PALM2AKAP2: variants seen among roughly 807,000 people sequenced by gnomAD.
PALM2AKAP2 encodes PALM2 and AKAP2 fusion.
PALM2AKAP2 carries 37 observed loss-of-function variants against 71.5 expected under a neutral mutation model. That is an observed-to-expected ratio of 0.52 (90% CI 0.40 to 0.68). PALM2AKAP2 has a LOEUF of 0.68. Among genes scored for constraint, PALM2AKAP2 ranks in the 30% least tolerant of loss-of-function variants. The probability of loss-of-function intolerance (pLI) is 0.00; values close to 1 mark genes in which losing one functional copy is unlikely to be tolerated. For missense variants in PALM2AKAP2, 1,224 were observed against 1,191.8 expected, an observed-to-expected ratio of 1.03 and a Z score of -0.40; for synonymous variants, 468 against 478.8, an observed-to-expected ratio of 0.98 and a Z score of 0.29.
At chr9:110,088,734 T>C (rs1834636229) in intron 1 of PALM2AKAP2, among the ~76,000 whole-genome samples, 1 of 133,920 alleles carries the variant, frequency 7.5e-6, no homozygotes, top group Admixed American at 7.6e-5. Flanking sequence ...TTTTTTTTTT[T>C]TCTGAGACAG....
intron 1 of PALM2AKAP2, among the ~76,000 whole-genome samples, chr9:110,091,624 G>A (rs898744543): frequency 4.6e-5 from 7 of 150,656 alleles, no homozygotes; most frequent in Non-Finnish European, 7.4e-5. Context: ...CTCCACACCC[G>A]GCTAATTTTT....
chr9:109,854,255 G>A (rs2252029), intron 1 of PALM2AKAP2, among the ~76,000 whole-genome samples: 465 of 152,334 alleles, frequency 3.1e-3, no homozygotes, highest in Non-Finnish European at 5.4e-3. Context: ...AAGAAGAAGG[G>A]CAGGAAGAGG....
chr9:109,908,267 C>T (rs1056668675), intron 3 of PALM2AKAP2, among the ~76,000 whole-genome samples: 1 of 152,180 alleles, frequency 6.6e-6, no homozygotes, highest in African/African-American at 2.4e-5. Context: ...ACAGCAGCTC[C>T]CTTTGATCAA....
At chr9:109,939,962 T>C (rs1182647012) in intron 6 of PALM2AKAP2, among the ~76,000 whole-genome samples, 1 of 152,236 alleles carries the variant, frequency 6.6e-6, no homozygotes, top group African/African-American at 2.4e-5. Flanking sequence ...GTGTATCTTA[T>C]TATGCAAGCA....
In PALM2AKAP2 at chr9:109,655,069, C is replaced by T. The variant is rs969615875; in HGVS notation, c.5+14203C>T. On this transcript the variant is annotated intron_variant, in intron 1 of 6. Coordinates refer to the PALM2AKAP2 transcript ENST00000374531. ...CTTTGGGAGGCCGAGGCAGGTGGATCACGAGGTCAGGAGATTGAGACCATC... is the reference window on the plus strand; with the variant it reads ...CTTTGGGAGGCCGAGGCAGGTGGATTACGAGGTCAGGAGATTGAGACCATC... Among the ~76,000 whole-genome samples the T allele has an allele frequency of 1.2e-4, 18 of 152,170 alleles. No homozygotes were observed. The East Asian group carries it at 3.5e-3, about 29-fold the overall frequency.
chr9:109,798,623 T>G (rs777948169), intron 1 of PALM2AKAP2, among the ~76,000 whole-genome samples: 3 of 152,208 alleles, frequency 2.0e-5, no homozygotes, highest in Non-Finnish European at 4.4e-5. Context: ...AGCTGTAAAC[T>G]ACATCACAGG....
chr9:109,685,907 A>C (rs917069520), intron 1 of PALM2AKAP2, among the ~76,000 whole-genome samples: 7 of 152,198 alleles, frequency 4.6e-5, no homozygotes, highest in African/African-American at 1.4e-4. Flanking sequence ...CCATCTTCTC[A>C]AACCCTGCCT....
At chr9:109,859,269 A>G (rs1467153613) in intron 1 of PALM2AKAP2, among the ~76,000 whole-genome samples, 1 of 152,232 alleles carries the variant, frequency 6.6e-6, no homozygotes, top group African/African-American at 2.4e-5. Flanking sequence ...CAAGAAGTGG[A>G]GAAGGGAGTG....
chr9:109,706,591 A>G (rs771378320), intron 1 of PALM2AKAP2, among the ~76,000 whole-genome samples: 6 of 152,260 alleles, frequency 3.9e-5, no homozygotes, highest in Non-Finnish European at 7.3e-5. Flanking sequence ...ATACGTTCAC[A>G]CAAAAACTTG....
chr9:109,875,028 A>G (rs1443476928), intron 2 of PALM2AKAP2, among the ~76,000 whole-genome samples: 1 of 152,212 alleles, frequency 6.6e-6, no homozygotes, highest in African/African-American at 2.4e-5. Flanking sequence ...TAGAAGACAC[A>G]GCAAACTCCT....
intron 1 of PALM2AKAP2, among the ~76,000 whole-genome samples, chr9:110,098,885 T>G (rs1395731750): frequency 6.6e-6 from 1 of 152,180 alleles, no homozygotes; most frequent in Non-Finnish European, 1.5e-5. Context: ...CCTATATAAA[T>G]TCACTATATG....
intron 1 of PALM2AKAP2, among the ~76,000 whole-genome samples, chr9:110,057,880 A>G (rs1195909260): frequency 6.6e-6 from 1 of 152,202 alleles, no homozygotes; most frequent in Non-Finnish European, 1.5e-5. Context: ...AGCTCTGCTT[A>G]GAGGAGGAAA....
At chr9:110,134,166 TCCTAAGGGAGACTG>T (rs1297585492) in intron 1 of PALM2AKAP2, among the ~76,000 whole-genome samples, 2 of 151,440 alleles carry the variant, frequency 1.3e-5, no homozygotes, top group Admixed American at 1.3e-4. Context: ...CCACCTGTAG[TCCTAAGGGAGACTG>T]AGGCAGGAGG....
chr9:110,048,692 C>G (rs917811642), upstream of PALM2AKAP2: 3 of 1,539,490 alleles, frequency 1.9e-6, no homozygotes, highest in African/African-American at 1.4e-5. Flanking sequence ...GGCTACCACT[C>G]CCTGCAGATG....
chr9:110,112,606 T>C (rs1394406671), intron 1 of PALM2AKAP2, among the ~76,000 whole-genome samples: 1 of 152,132 alleles, frequency 6.6e-6, no homozygotes. Flanking sequence ...CCATTTAGAG[T>C]ATATGATAAA....
intron 3 of PALM2AKAP2, among the ~76,000 whole-genome samples, chr9:109,911,008 G>A (rs1830556312): frequency 6.6e-6 from 1 of 152,186 alleles, no homozygotes. Flanking sequence ...TTGGAGAGAG[G>A]TGAAGACACA....
At chr9:109,721,620 C>T (rs1828405972) in intron 1 of PALM2AKAP2, among the ~76,000 whole-genome samples, 2 of 152,152 alleles carry the variant, frequency 1.3e-5, no homozygotes, top group Admixed American at 1.3e-4. Context: ...CTAGAACTTT[C>T]TGTTTCTATC....
At chr9:109,767,253 C>G (rs1258068594) in intron 1 of PALM2AKAP2, among the ~76,000 whole-genome samples, 1 of 152,192 alleles carries the variant, frequency 6.6e-6, no homozygotes, top group East Asian at 1.9e-4. Flanking sequence ...ACTGCTCCCT[C>G]CAACCCCAGA....
chr9:110,141,705 ACT>A lies in PALM2AKAP2; in HGVS notation c.2569+3168_2569+3169del, dbSNP rs543671232. Among the ~76,000 whole-genome samples, 150 of 152,234 alleles carry A rather than the reference ACT, an allele frequency of 9.9e-4. 1 individual carries two copies. The highest frequency in any genetic ancestry group is 3.3e-3 in the African/African-American group (138 of 41,540). On this transcript the variant is annotated intron_variant, in intron 2 of 3. Coordinates refer to ENST00000374525, the Ensembl canonical transcript of PALM2AKAP2. ...TTCATATTTCATGCCAGAAGAAGTG[ACT>A]CCACTAGTTTGTTGTGTGACTCAGA...
Sources: gnomAD v4.1 joint callset for allele counts (sites outside exome capture counted in the v4.1 genomes callset) on GRCh38, gnomAD v4.1.1 for gene constraint, MANE v1.5 for transcripts, NCBI Gene and HGNC (gene_info 2026-07-23, HGNC 2026-07-21) for gene names.